Variants in MYO16 observed in about 807,000 individuals in gnomAD.
MYO16 encodes myosin XVI.
A neutral mutation model predicts 205.3 loss-of-function variants in MYO16; 94 were observed. The ratio of observed to expected loss-of-function variants is 0.46; its 90% confidence interval spans 0.39 to 0.54. The LOEUF is 0.54. MYO16 is among the 20% of genes least tolerant of loss of function. MYO16 has a pLI of 0.00. For synonymous variants in MYO16, 988 were observed against 954.0 expected (o/e 1.04, Z -0.66); for missense variants, 2,315 against 2,387.5 (o/e 0.97, Z 0.63).
At chr13:109,064,170 G>C (rs973578762) in intron 27 of MYO16, among the ~76,000 whole-genome samples, 1 of 152,060 alleles carries the variant, frequency 6.6e-6, no homozygotes, top group African/African-American at 2.4e-5. Context: ...ACATTTAAAC[G>C]GTTATATAAG....
chr13:109,113,310 G>A (rs554489994), intron 28 of MYO16, among the ~76,000 whole-genome samples: 1 of 146,986 alleles, frequency 6.8e-6, no homozygotes, highest in East Asian at 2.0e-4. Context: ...GAGGGATGGA[G>A]AGAGGAAGAA....
chr13:108,977,585 A>AT (rs201683481), intron 20 of MYO16, among the ~76,000 whole-genome samples: 1 of 152,048 alleles, frequency 6.6e-6, no homozygotes, highest in African/African-American at 2.4e-5. Context: ...GTCATCTTAT[A>AT]TTTTTTTAAA....
chr13:109,139,822 ATAT>A (rs148872505), intron 31 of MYO16, among the ~76,000 whole-genome samples: 6 of 151,662 alleles, frequency 4.0e-5, no homozygotes, highest in Admixed American at 2.0e-4. Flanking sequence ...TCGGGGGTTG[ATAT>A]TATTATTATT....
chr13:108,954,235 C>G (rs974169871), intron 16 of MYO16, among the ~76,000 whole-genome samples: 1 of 152,102 alleles, frequency 6.6e-6, no homozygotes, highest in African/African-American at 2.4e-5. Context: ...AATTACTTAT[C>G]AAGAATTGTA....
At chr13:108,605,738 A>G (rs1878931325) in intron 1 of MYO16, among the ~76,000 whole-genome samples, 1 of 152,164 alleles carries the variant, frequency 6.6e-6, no homozygotes, top group South Asian at 2.1e-4. Context: ...TCTTCATTGT[A>G]TCATGAAAAT....
intron 16 of MYO16, among the ~76,000 whole-genome samples, chr13:108,930,122 T>C (rs1393986910): frequency 6.6e-6 from 1 of 152,190 alleles, no homozygotes; most frequent in African/African-American, 2.4e-5. Flanking sequence ...GAAAGCATAT[T>C]GCAAAATTGA....
At chr13:108,833,435 A>G (rs1329400362) in intron 9 of MYO16, among the ~76,000 whole-genome samples, 1 of 152,164 alleles carries the variant, frequency 6.6e-6, no homozygotes. Flanking sequence ...TGATGTAGCT[A>G]TGTTTGTAGG....
At chr13:108,509,965 A>G in the MYO16 span, among the ~76,000 whole-genome samples, 4 of 152,324 alleles carry the variant, frequency 2.6e-5, no homozygotes, top group East Asian at 5.8e-4. Flanking sequence ...AAGATACAGC[A>G]GAAGTTGAGT....
intron 32 of MYO16, among the ~76,000 whole-genome samples, chr13:109,145,690 A>T (rs544457755): frequency 5.3e-5 from 8 of 152,354 alleles, no homozygotes; most frequent in African/African-American, 1.7e-4. Context: ...TTCAAAAACT[A>T]TGAGACCCGA....
intron 16 of MYO16, among the ~76,000 whole-genome samples, chr13:108,912,281 A>G (rs919142134): frequency 2.0e-5 from 3 of 152,174 alleles, no homozygotes; most frequent in Admixed American, 6.5e-5. Flanking sequence ...ATCCAGGGCT[A>G]TGGATATGGT....
chr13:108,885,816 C>A (rs1879842721), intron 13 of MYO16, among the ~76,000 whole-genome samples: 1 of 152,156 alleles, frequency 6.6e-6, no homozygotes, highest in Non-Finnish European at 1.5e-5. Context: ...AAAGGAGGAG[C>A]AGCAGGCCCA....
chr13:109,047,630 A>G (rs1379151579), intron 24 of MYO16, among the ~76,000 whole-genome samples: 1 of 152,238 alleles, frequency 6.6e-6, no homozygotes, highest in African/African-American at 2.4e-5. Context: ...TGCCTCTAGT[A>G]ATTATTTTCT....
chr13:109,014,367 A>G (rs1885728077), intron 22 of MYO16, among the ~76,000 whole-genome samples: 1 of 152,150 alleles, frequency 6.6e-6, no homozygotes, highest in Non-Finnish European at 1.5e-5. Flanking sequence ...TGGTTACTGT[A>G]GCCTTGTAGT....
At chr13:108,858,810 A>G (rs1225864871) in intron 11 of MYO16, among the ~76,000 whole-genome samples, 3 of 152,192 alleles carry the variant, frequency 2.0e-5, no homozygotes, top group South Asian at 2.1e-4. Flanking sequence ...GGAAAGGCTC[A>G]TAAAGCCGCA....
chr13:108,563,314 T>C, the MYO16 span, among the ~76,000 whole-genome samples: 3 of 152,188 alleles, frequency 2.0e-5, no homozygotes, highest in Non-Finnish European at 4.4e-5. Context: ...CAAGCACTTA[T>C]CCTTTGTGTT....
intron 2 of MYO16, among the ~76,000 whole-genome samples, chr13:108,694,307 G>A (rs1025582914): frequency 6.6e-6 from 1 of 152,078 alleles, no homozygotes; most frequent in Admixed American, 6.5e-5. Context: ...CCAAAAGTGG[G>A]ATTTCTTATT....
the MYO16 span, among the ~76,000 whole-genome samples, chr13:108,588,407 G>A: frequency 6.6e-6 from 1 of 152,086 alleles, no homozygotes. Context: ...ATGGAAAGTG[G>A]GGCATACATA....
At chr13:109,152,757 T>G (rs1368456984) in intron 32 of MYO16, among the ~76,000 whole-genome samples, 2 of 152,182 alleles carry the variant, frequency 1.3e-5, no homozygotes, top group Admixed American at 6.5e-5. Flanking sequence ...GGATATGTAG[T>G]TCTTCCTAGG....
At chr13:108,917,871 A>T (rs936950896) in intron 16 of MYO16, among the ~76,000 whole-genome samples, 1 of 152,246 alleles carries the variant, frequency 6.6e-6, no homozygotes, top group African/African-American at 2.4e-5. Flanking sequence ...TCTGAAGCTA[A>T]TAACAGCTGT....
Sources: gnomAD v4.1 joint callset for allele counts (sites outside exome capture counted in the v4.1 genomes callset) on GRCh38, gnomAD v4.1.1 for gene constraint, MANE v1.5 for transcripts, NCBI Gene and HGNC (gene_info 2026-07-23, HGNC 2026-07-21) for gene names.